The following TOX2 variants were observed in gnomAD, a reference collection of about 807,000 sequenced individuals.
TOX2 encodes TOX high mobility group box family member 2, also known as granulosa cell HMG box 1.
TOX2 carries 15 observed loss-of-function variants against 47.4 expected under a neutral mutation model. The ratio of observed to expected loss-of-function variants is 0.32; its 90% CI spans 0.21 to 0.49. The LOEUF (loss-of-function observed/expected upper bound fraction) is 0.49, where lower values mean the gene tolerates loss of function less well. Ranked by LOEUF, TOX2 falls within the 20% of genes least tolerant of loss-of-function variation. The pLI is 0.99. For missense variants in TOX2, 622 were observed against 673.1 expected (o/e 0.92, Z 0.84); for synonymous variants, 290 against 296.6 (o/e 0.98, Z 0.23).
intron 3 of TOX2, among the ~76,000 whole-genome samples, chr20:44,033,772 A>T (rs963015714): frequency 6.6e-6 from 1 of 151,944 alleles, no homozygotes; most frequent in African/African-American, 2.4e-5. Flanking sequence ...GTTCAGTGAG[A>T]CTCATTTTGG....
At chr20:43,929,344 G>A (rs2069222235) in intron 1 of TOX2, among the ~76,000 whole-genome samples, 1 of 152,150 alleles carries the variant, frequency 6.6e-6, no homozygotes, top group Non-Finnish European at 1.5e-5. Context: ...TGGCCCATAA[G>A]TCCTCACGTG....
Position 43,960,806 on chromosome 20 carries a change from T to C in TOX2, c.100-12561T>C, listed in dbSNP as rs570105779. ...ACCTTTCGGGCACTGTCAGCATGCC[T>C]TGGTCACCTCCATGACTCCTGGTGG... is the stretch of plus-strand genomic sequence containing the variant. On this transcript the variant is annotated intron_variant, in intron 1 of 8. Coordinates refer to ENST00000341197, the MANE Select transcript of TOX2 (RefSeq NM_001098797.2). Among the ~76,000 whole-genome samples, 8 of 152,368 alleles carry C rather than the reference T, an allele frequency of 5.3e-5. 1 individual carries two copies. In the South Asian group the frequency reaches 1.7e-3, roughly 32 times the overall value.
intron 3 of TOX2, among the ~76,000 whole-genome samples, chr20:44,044,294 G>C (rs1340483023): frequency 6.6e-6 from 1 of 152,026 alleles, no homozygotes; most frequent in Non-Finnish European, 1.5e-5. Context: ...CGGTTGTGGG[G>C]AGGGATAGCA....
At chr20:43,936,943 A>G (rs1369474311) in intron 1 of TOX2, among the ~76,000 whole-genome samples, 1 of 152,194 alleles carries the variant, frequency 6.6e-6, no homozygotes, top group Non-Finnish European at 1.5e-5. Flanking sequence ...GCAGACATTC[A>G]TCGAGTCCCT....
chr20:44,014,685 G>A (rs753469673), intron 3 of TOX2, among the ~76,000 whole-genome samples: 7 of 152,162 alleles, frequency 4.6e-5, no homozygotes, highest in Non-Finnish European at 8.8e-5. Flanking sequence ...TCAGCGATCC[G>A]ATGCAGGTGA....
intron 1 of TOX2, among the ~76,000 whole-genome samples, chr20:43,928,457 C>T (rs771855214): frequency 2.6e-5 from 4 of 152,244 alleles, no homozygotes; most frequent in Admixed American, 6.5e-5. Context: ...TTGTGTTGGT[C>T]GCTTTATTGC....
At chr20:43,991,603 C>A (rs2070368988) in intron 2 of TOX2, among the ~76,000 whole-genome samples, 2 of 147,340 alleles carry the variant, frequency 1.4e-5, no homozygotes, top group South Asian at 4.4e-4. Flanking sequence ...GTGAAGGGGA[C>A]AGGCAATAAT....
chr20:43,997,201 C>T (rs1018503196), intron 2 of TOX2, among the ~76,000 whole-genome samples: 2 of 152,126 alleles, frequency 1.3e-5, no homozygotes, highest in Non-Finnish European at 2.9e-5. Context: ...TTCATGTAAG[C>T]ACTAACTGGG....
intron 3 of TOX2, among the ~76,000 whole-genome samples, chr20:44,050,198 C>T (rs2071485051): frequency 6.6e-6 from 1 of 151,994 alleles, no homozygotes; most frequent in East Asian, 1.9e-4. Flanking sequence ...TGTCATTTGT[C>T]AATTAAAAAA....
intron 2 of TOX2, among the ~76,000 whole-genome samples, chr20:43,998,232 A>G (rs2070512287): frequency 6.6e-6 from 1 of 152,184 alleles, no homozygotes; most frequent in Non-Finnish European, 1.5e-5. Flanking sequence ...AGCCCCCATG[A>G]TCCAATCACC....
chr20:44,011,192 T>C (rs1404421300), intron 3 of TOX2, among the ~76,000 whole-genome samples: 1 of 152,218 alleles, frequency 6.6e-6, no homozygotes, highest in Admixed American at 6.5e-5. Flanking sequence ...CCCTCTTTTC[T>C]AAATACAGTA....
At chr20:43,920,741 G>C (rs2069104285) in intron 1 of TOX2, among the ~76,000 whole-genome samples, 1 of 152,150 alleles carries the variant, frequency 6.6e-6, no homozygotes, top group Non-Finnish European at 1.5e-5. Context: ...TGTGCAAAGG[G>C]AAGGCAAACC....
intron 1 of TOX2, among the ~76,000 whole-genome samples, chr20:43,923,972 A>G (rs551835147): frequency 2.6e-5 from 4 of 152,314 alleles, no homozygotes; most frequent in South Asian, 2.1e-4. Flanking sequence ...GGACTGCCCA[A>G]GCCTTTGATT....
At chr20:44,054,182 G>T in intron 4 of TOX2, 117 bp from the exon 5 acceptor site, 1 of 1,066,962 alleles carries the variant, frequency 9.4e-7, no homozygotes, top group Non-Finnish European at 1.4e-6. Context: ...TCGCGCGAGT[G>T]GTTATCTGTG....
rs575579780 is a variant in TOX2, at chr20:43,933,298, A to G, written c.99+18308A>G. ...ACATTAGCAATACGATTGCCATGAC[A>G]GAGTGGTTGGTGTGGTTAATACCCA... is the stretch of plus-strand genomic sequence containing the variant. On this transcript the variant is annotated intron_variant, in intron 1 of 8. Coordinates refer to ENST00000341197, the MANE Select transcript of TOX2 (RefSeq NM_001098797.2). 5.9e-5 allele frequency among the ~76,000 whole-genome samples: 9 copies of G among 152,352 alleles called. No homozygotes were observed. The South Asian group carries it at 1.0e-3, about 18-fold the overall frequency.
chr20:44,029,163 G>A (rs561672247), intron 3 of TOX2, among the ~76,000 whole-genome samples: 20 of 152,332 alleles, frequency 1.3e-4, no homozygotes, highest in Admixed American at 7.8e-4. Context: ...CTCCAGCTCC[G>A]CTTCCATCAC....
intron 2 of TOX2, among the ~76,000 whole-genome samples, chr20:43,974,864 C>G (rs1038876241): frequency 6.6e-6 from 1 of 152,230 alleles, no homozygotes; most frequent in African/African-American, 2.4e-5. Context: ...CCGGGGCCAC[C>G]ATACCATGCC....
intron 1 of TOX2, chr20:43,946,039 G>C (rs201159006): frequency 5.1e-5 from 83 of 1,613,644 alleles, no homozygotes; most frequent in Admixed American, 1.5e-4. Context: ...TCCGCAGAAG[G>C]TAAGCAGCGG....
Position 43,989,781 on chromosome 20 carries a change from G to GAA in TOX2, c.165+16364_165+16365dup, listed in dbSNP as rs35693609. 7.4e-4 allele frequency among the ~76,000 whole-genome samples: 84 copies of GAA among 113,232 alleles called. 1 individual carries two copies. The highest frequency in any genetic ancestry group is 1.9e-3 in the African/African-American group (60 of 31,158). 74.3% of individuals were successfully genotyped at this position (113,232 alleles called of 152,430 possible). On this transcript the variant is annotated intron_variant, in intron 2 of 8. Coordinates refer to ENST00000341197, the MANE Select transcript of TOX2 (RefSeq NM_001098797.2). Reference sequence around the variant, plus strand: ...GGCAACAGAGCAAGACTCTGTCTCAGAAAAAAAAAAAAAAAACCCACCCAG... The same window carrying GAA: ...GGCAACAGAGCAAGACTCTGTCTCAGAAAAAAAAAAAAAAAAAACCCACCCAG...
Sources: allele counts gnomAD v4.1 joint callset (sites outside exome capture counted in the v4.1 genomes callset), GRCh38; gene constraint gnomAD v4.1.1; transcripts MANE v1.5; gene names NCBI Gene and HGNC (gene_info 2026-07-23, HGNC 2026-07-21).